The following SH3PXD2A variants were observed in gnomAD, a reference collection of about 807,000 sequenced individuals.
SH3PXD2A encodes the protein SH3 and PX domains 2A.
Under a neutral mutation model 115.2 loss-of-function variants are expected in SH3PXD2A, and 32 were observed. The observed-to-expected ratio is 0.28, with a 90% CI of 0.21 to 0.37. SH3PXD2A has a LOEUF of 0.37. SH3PXD2A is among the 10% of genes least tolerant of loss of function. The pLI is 1.00. For missense variants in SH3PXD2A, 1,328 were observed against 1,498.7 expected (o/e 0.89, Z 1.88); for synonymous variants, 610 against 629.1 (o/e 0.97, Z 0.45).
intron 1 of SH3PXD2A, among the ~76,000 whole-genome samples, chr10:103,843,522 G>C (rs532373400): frequency 6.6e-6 from 1 of 152,320 alleles, no homozygotes; most frequent in African/African-American, 2.4e-5. Context: ...AAGAGTTCAA[G>C]GGGAATACAA....
Position 103,666,214 on chromosome 10 carries a change from A to G in SH3PXD2A, c.472+2394T>C, listed in dbSNP as rs2037381934. ...TCCCCGTCCCCCACACCACCATTCA[A>G]TACATCATTCATGATTCAACACATG... On this transcript the variant is annotated intron_variant, in intron 7 of 14. Coordinates refer to ENST00000369774, the MANE Select transcript of SH3PXD2A (RefSeq NM_001394015.1). This position sits in a 1 kb window ranked among gnomAD's most constrained non-coding sequence, Gnocchi z 4.5. 2.6e-5 allele frequency among the ~76,000 whole-genome samples: 4 copies of G among 152,138 alleles called. No homozygotes were observed. The highest frequency in any genetic ancestry group is 2.6e-4 in the Admixed American group (4 of 15,272).
chr10:103,758,176 A>G (rs1249982368), intron 3 of SH3PXD2A, among the ~76,000 whole-genome samples: 2 of 152,188 alleles, frequency 1.3e-5, no homozygotes, highest in South Asian at 2.1e-4. Flanking sequence ...TTGGCTCCAC[A>G]AGTCCTGTCT....
chr10:103,770,926 CTTG>C (rs1366261075), intron 2 of SH3PXD2A, among the ~76,000 whole-genome samples: 3 of 152,182 alleles, frequency 2.0e-5, no homozygotes, highest in South Asian at 2.1e-4. Context: ...TACTTTTTAT[CTTG>C]TTGTATTCTA....
At position 103,627,676 on chromosome 10, in the gene SH3PXD2A, G is replaced by A. The variant is rs377452625; in HGVS notation, c.605-474C>T. On this transcript the variant is annotated intron_variant, in intron 8 of 14. Coordinates refer to ENST00000369774, the MANE Select transcript of SH3PXD2A (RefSeq NM_001394015.1). This position sits in a 1 kb window ranked among gnomAD's most constrained non-coding sequence, Gnocchi z 4.4. ...TGCCTTTTCCCCATCGCGGGTCAGC[G>A]GTACCTTCGCATTGGTGCCACTCAC... Among the ~76,000 whole-genome samples the A allele has an allele frequency of 3.9e-4, 59 of 152,302 alleles. No individual in the cohort carries two copies. The highest frequency in any genetic ancestry group is 1.3e-3 in the African/African-American group (53 of 41,564).
intron 1 of SH3PXD2A, among the ~76,000 whole-genome samples, chr10:103,845,161 CA>C (rs1049547339): frequency 9.7e-4 from 141 of 145,642 alleles, no homozygotes; most frequent in Admixed American, 1.0e-3. Flanking sequence ...CCATCTCCAC[CA>C]AAAAAAAAAA....
chr10:103,683,872 A>G (rs941303427), intron 6 of SH3PXD2A, among the ~76,000 whole-genome samples: 8 of 152,106 alleles, frequency 5.3e-5, no homozygotes, highest in Admixed American at 5.2e-4. Flanking sequence ...ATCCCAAGCC[A>G]TCCTGCCTAG....
chr10:103,683,436 G>A (rs922391218), intron 6 of SH3PXD2A, among the ~76,000 whole-genome samples: 17 of 152,176 alleles, frequency 1.1e-4, no homozygotes, highest in Non-Finnish European at 2.1e-4. Flanking sequence ...GCTGAGAAGC[G>A]GAGGTTGCAG....
At chr10:103,852,162 T>C (rs1428756565) in intron 1 of SH3PXD2A, among the ~76,000 whole-genome samples, 1 of 152,178 alleles carries the variant, frequency 6.6e-6, no homozygotes, top group East Asian at 1.9e-4. Flanking sequence ...CTGACCTTAG[T>C]AGCAGCTGCC....
intron 6 of SH3PXD2A, among the ~76,000 whole-genome samples, chr10:103,684,253 G>T (rs1182223806): frequency 3.3e-5 from 5 of 152,108 alleles, no homozygotes; most frequent in Admixed American, 6.6e-5. Flanking sequence ...GTGCTGACCA[G>T]CAGAAGACCA....
intron 6 of SH3PXD2A, among the ~76,000 whole-genome samples, chr10:103,687,612 C>A (rs557225900): frequency 5.9e-5 from 9 of 152,314 alleles, no homozygotes; most frequent in Admixed American, 1.3e-4. Flanking sequence ...CAGCCCCCTG[C>A]GACCTTGCAC....
chr10:103,723,392 T>C (rs1302377264), intron 5 of SH3PXD2A, among the ~76,000 whole-genome samples: 1 of 152,164 alleles, frequency 6.6e-6, no homozygotes, highest in Non-Finnish European at 1.5e-5. Context: ...TGAATTTTTC[T>C]CTCCAATGAG....
At chr10:103,750,783 C>CATT (rs72380611) in intron 3 of SH3PXD2A, among the ~76,000 whole-genome samples, 1 of 151,934 alleles carries the variant, frequency 6.6e-6, no homozygotes. Context: ...GGGGCACGGG[C>CATT]TTTTTTTGTT....
At chr10:103,798,326 T>C (rs1181994774) in intron 2 of SH3PXD2A, among the ~76,000 whole-genome samples, 2 of 152,172 alleles carry the variant, frequency 1.3e-5, no homozygotes, top group Admixed American at 6.5e-5. Flanking sequence ...TTTTGTTTTT[T>C]TGAGACAGGG....
At chr10:103,682,765 AAAAAAC>A (rs1180567511) in intron 6 of SH3PXD2A, among the ~76,000 whole-genome samples, 3 of 151,942 alleles carry the variant, frequency 2.0e-5, no homozygotes, top group African/African-American at 7.2e-5. Context: ...TCAAAAAAAA[AAAAAAC>A]AAAACAAACC....
intron 4 of SH3PXD2A, among the ~76,000 whole-genome samples, chr10:103,725,217 G>T (rs2038226174): frequency 6.6e-6 from 1 of 152,206 alleles, no homozygotes; most frequent in African/African-American, 2.4e-5. Context: ...ATGAATGAAG[G>T]CCAGTGCGGC....
intron 8 of SH3PXD2A, among the ~76,000 whole-genome samples, chr10:103,642,021 G>A (rs150447947): frequency 6.3e-4 from 96 of 152,230 alleles, no homozygotes; most frequent in African/African-American, 2.2e-3. Context: ...TAAAGCCATC[G>A]TTAAGTTGAC....
chr10:103,747,842 G>T (rs1355923664), intron 3 of SH3PXD2A, among the ~76,000 whole-genome samples: 1 of 151,798 alleles, frequency 6.6e-6, no homozygotes, highest in Non-Finnish European at 1.5e-5. Flanking sequence ...TAGAGATGAG[G>T]TCTCACTGTG....
chr10:103,724,421 A>G, intron 4 of SH3PXD2A, 60 bp from the exon 5 acceptor site: 1 of 990,454 alleles, frequency 1.0e-6, no homozygotes, highest in Non-Finnish European at 1.5e-6. Flanking sequence ...AGGAAAACCA[A>G]GACAGTGTCA....
chr10:103,802,841 C>T (rs150240489), intron 1 of SH3PXD2A, among the ~76,000 whole-genome samples: 240 of 152,188 alleles, frequency 1.6e-3, no homozygotes, highest in African/African-American at 5.6e-3. Context: ...ATTCAGATTC[C>T]GGGGTCTCTG....
Sources: allele counts gnomAD v4.1 joint callset (sites outside exome capture counted in the v4.1 genomes callset), GRCh38; gene constraint gnomAD v4.1.1; non-coding constraint Gnocchi (gnomAD v3.1); transcripts MANE v1.5; gene names NCBI Gene and HGNC (gene_info 2026-07-23, HGNC 2026-07-21).